Variants in SPHKAP observed in about 807,000 individuals in gnomAD.
SPHKAP encodes A-kinase anchor protein SPHKAP.
Under a neutral mutation model 137.5 loss-of-function variants are expected in SPHKAP, and 67 were observed. The observed-to-expected ratio is 0.49, with a 90% CI of 0.40 to 0.60. The LOEUF is 0.60. SPHKAP is among the 20% of genes least tolerant of loss of function. The pLI is 0.00. For missense variants in SPHKAP, 2,097 were observed against 2,069.3 expected (o/e 1.01, Z -0.26); for synonymous variants, 813 against 785.3 (o/e 1.04, Z -0.59).
intron 2 of SPHKAP, among the ~76,000 whole-genome samples, chr2:228,126,852 A>G (rs1239899209): frequency 1.3e-5 from 2 of 152,168 alleles, no homozygotes; most frequent in South Asian, 4.1e-4. Context: ...AACACAAGCA[A>G]TTGTGTCTGG....
intron 11 of SPHKAP, among the ~76,000 whole-genome samples, chr2:227,983,173 G>A (rs560554178): frequency 2.0e-5 from 3 of 152,206 alleles, no homozygotes; most frequent in South Asian, 2.1e-4. Context: ...GCCAGGAACT[G>A]GAATGCTAAT....
chr2:228,000,309 G>C (rs957681394), intron 7 of SPHKAP, among the ~76,000 whole-genome samples: 1 of 151,896 alleles, frequency 6.6e-6, no homozygotes, highest in Non-Finnish European at 1.5e-5. Flanking sequence ...GTGAAACACT[G>C]TCTCTACTAA....
At chr2:228,154,122 C>G (rs943638459) in intron 1 of SPHKAP, among the ~76,000 whole-genome samples, 1 of 152,082 alleles carries the variant, frequency 6.6e-6, no homozygotes, top group Non-Finnish European at 1.5e-5. Flanking sequence ...TCTACTTTCT[C>G]TTTTCTCACA....
At chr2:228,167,425 G>A (rs1256217713) in intron 1 of SPHKAP, among the ~76,000 whole-genome samples, 2 of 152,040 alleles carry the variant, frequency 1.3e-5, no homozygotes, top group Admixed American at 6.6e-5. Flanking sequence ...TTGAAGCACT[G>A]TTGATTCATT....
At chr2:228,092,174 CACAT>C (rs1697771116) in intron 3 of SPHKAP, among the ~76,000 whole-genome samples, 1 of 106,512 alleles carries the variant, frequency 9.4e-6, no homozygotes, top group African/African-American at 3.6e-5. Context: ...TGTGTACACA[CACAT>C]GTGTGTACAT....
chr2:228,001,384 C>T (rs1693868737), intron 7 of SPHKAP, among the ~76,000 whole-genome samples: 1 of 139,056 alleles, frequency 7.2e-6, no homozygotes, highest in South Asian at 2.2e-4. Context: ...AATATATATA[C>T]ACATATATAA....
chr2:228,159,629 C>T (rs1041317684), intron 1 of SPHKAP, among the ~76,000 whole-genome samples: 3 of 152,100 alleles, frequency 2.0e-5, no homozygotes, highest in Non-Finnish European at 2.9e-5. Flanking sequence ...AAATAACTTA[C>T]AATTACACAT....
chr2:228,019,321 G>A lies in SPHKAP; in HGVS notation c.1533C>T (p.Ser511=). The change falls in exon 7 of 12, where the codon TCC becomes TCT. Residue 511 remains serine (S), a synonymous_variant. Coordinates refer to ENST00000392056, the MANE Select transcript of SPHKAP (RefSeq NM_001142644.2). ...TGAGTCTTTCTGTGGCCTGTGGACTGGAAATAGTTCCAATCACAGTGGCTG... is the reference window on the plus strand; with the variant it reads ...TGAGTCTTTCTGTGGCCTGTGGACTAGAAATAGTTCCAATCACAGTGGCTG... ...ACAATVIGTI[S]SPQATERLKM... The A allele has an allele frequency of 4.3e-6, 7 of 1,614,158 alleles. No homozygotes were observed. The highest frequency in any genetic ancestry group is 5.9e-6 in the Non-Finnish European group (7 of 1,180,036).
intron 1 of SPHKAP, among the ~76,000 whole-genome samples, chr2:228,133,457 T>A (rs1238428850): frequency 6.6e-6 from 1 of 152,182 alleles, no homozygotes; most frequent in Non-Finnish European, 1.5e-5. Context: ...TAAAAAATTA[T>A]CTAAATGTTA....
At chr2:227,987,357 C>T (rs953716306) in intron 11 of SPHKAP, among the ~76,000 whole-genome samples, 5 of 152,158 alleles carry the variant, frequency 3.3e-5, no homozygotes, top group Admixed American at 6.5e-5. Context: ...TTGCTATTTA[C>T]AATCTGAGCT....
intron 5 of SPHKAP, chr2:228,022,240 T>C: frequency 1.0e-6 from 1 of 968,284 alleles, no homozygotes; most frequent in Non-Finnish European, 1.2e-6. Context: ...AAAATTCAAC[T>C]GGGTAAAGTT....
intron 2 of SPHKAP, among the ~76,000 whole-genome samples, chr2:228,111,924 ATGGACTTC>A (rs1698530513): frequency 1.3e-5 from 2 of 152,034 alleles, no homozygotes; most frequent in South Asian, 4.1e-4. Flanking sequence ...ACATTTTCTT[ATGGACTTC>A]CATTTTAAAG....
chr2:228,166,981 T>C (rs1218649926), intron 1 of SPHKAP, among the ~76,000 whole-genome samples: 1 of 151,942 alleles, frequency 6.6e-6, no homozygotes, highest in Non-Finnish European at 1.5e-5. Flanking sequence ...GCCATACACT[T>C]TCACACAACC....
intron 3 of SPHKAP, among the ~76,000 whole-genome samples, chr2:228,104,798 A>G (rs929794081): frequency 2.0e-5 from 3 of 152,218 alleles, no homozygotes; most frequent in Admixed American, 6.5e-5. Context: ...AATAACCAAT[A>G]CGAAAACAGC....
At chr2:228,071,559 A>G (rs1468722321) in intron 3 of SPHKAP, among the ~76,000 whole-genome samples, 2 of 152,158 alleles carry the variant, frequency 1.3e-5, no homozygotes, top group African/African-American at 2.4e-5. Context: ...ATATCAGTCT[A>G]TAGTATTCCT....
At chr2:227,994,554 C>A (rs1430393714) in intron 8 of SPHKAP, among the ~76,000 whole-genome samples, 2 of 151,500 alleles carry the variant, frequency 1.3e-5, no homozygotes, top group Non-Finnish European at 2.9e-5. Flanking sequence ...AGATGGTACT[C>A]TAAAAGTAGA....
chr2:228,181,580 G>T lies in SPHKAP; in HGVS notation c.19C>A (p.Leu7Ile). ...AGCGGGTCTTACCTTGGTACCGAGA[G>T]CAGGGAGTTGCCATCCATTGTTGGT... MDGNSL[L>I]SVPSNLESSR... The change falls in exon 1 of 12, where the codon CTC (leucine) becomes ATC (isoleucine). Residue 7 changes from leucine (L) to isoleucine (I), a missense_variant. Coordinates refer to ENST00000392056, the MANE Select transcript of SPHKAP (RefSeq NM_001142644.2). This position sits in a 1 kb window ranked among gnomAD's most constrained non-coding sequence, Gnocchi z 4.3. 6.2e-7 allele frequency: 1 copy of T among 1,614,220 alleles called. No individual in the cohort carries two copies. The highest frequency in any genetic ancestry group is 8.5e-7 in the Non-Finnish European group (1 of 1,180,028).
rs72973336 is a variant in SPHKAP, at chr2:228,014,863, G to A, written c.4448+1543C>T. Among the ~76,000 whole-genome samples the A allele has an allele frequency of 5.3e-3, 809 of 152,150 alleles. 8 individuals are homozygous for A. Among genetic ancestry groups the A allele is most frequent in the Non-Finnish European group, 7.3e-3 (495 of 67,996 alleles). On this transcript the variant is annotated intron_variant, in intron 7 of 11. Coordinates refer to ENST00000392056, the MANE Select transcript of SPHKAP (RefSeq NM_001142644.2). The stretch of plus-strand genomic sequence containing the variant: ...CTCTGAAAAGACTTCTCCAACTTAG[G>A]TTTTCCAAGCCCAGTAGCTTAATTT...
intron 7 of SPHKAP, among the ~76,000 whole-genome samples, chr2:228,001,370 CATAAATATATATACACATAT>C (rs1693867602): frequency 7.1e-6 from 1 of 140,158 alleles, no homozygotes; most frequent in Non-Finnish European, 1.5e-5. Flanking sequence ...TATATACACA[CATAAATATATATACACATAT>C]ATAAATATAT....
Sources: allele counts gnomAD v4.1 joint callset (sites outside exome capture counted in the v4.1 genomes callset), GRCh38; gene constraint gnomAD v4.1.1; non-coding constraint Gnocchi (gnomAD v3.1); transcripts MANE v1.5; gene names NCBI Gene and HGNC (gene_info 2026-07-23, HGNC 2026-07-21).